The following PKNOX2 variants were observed in gnomAD, a reference collection of about 807,000 sequenced individuals.
PKNOX2 encodes PBX/knotted 1 homeobox 2.
PKNOX2 carries 14 observed loss-of-function variants against 53.1 expected under a neutral mutation model. The ratio of observed to expected loss-of-function variants is 0.26; its 90% CI spans 0.17 to 0.41. PKNOX2 has a LOEUF of 0.41. Ranked by LOEUF, PKNOX2 falls within the 10% of genes least tolerant of loss-of-function variation. The pLI, the probability that PKNOX2 is intolerant of heterozygous loss-of-function variation, is 1.00. For synonymous variants in PKNOX2, 257 were observed against 242.8 expected (o/e 1.06, Z -0.54); for missense variants, 496 against 602.8 (o/e 0.82, Z 1.85).
chr11:125,353,215 C>T (rs1951413640), intron 4 of PKNOX2, among the ~76,000 whole-genome samples: 3 of 152,172 alleles, frequency 2.0e-5, no homozygotes, highest in Admixed American at 6.5e-5. Context: ...GCTGCCAAGG[C>T]CCACACCTCC....
chr11:125,294,246 A>T (rs1947504730), intron 2 of PKNOX2, among the ~76,000 whole-genome samples: 1 of 152,168 alleles, frequency 6.6e-6, no homozygotes, highest in South Asian at 2.1e-4. Flanking sequence ...TTGTGTTTTC[A>T]TTTCCACAAG....
At chr11:125,169,999 A>C (rs1955158419) in intron 1 of PKNOX2, among the ~76,000 whole-genome samples, 1 of 152,250 alleles carries the variant, frequency 6.6e-6, no homozygotes. Context: ...AATCTGACTT[A>C]TCAGAAATGC....
At chr11:125,272,645 C>T (rs1022981960) in intron 2 of PKNOX2, among the ~76,000 whole-genome samples, 1 of 152,132 alleles carries the variant, frequency 6.6e-6, no homozygotes, top group South Asian at 2.1e-4. Flanking sequence ...ATGTTCTTTA[C>T]GCTTTGATCG....
intron 5 of PKNOX2, among the ~76,000 whole-genome samples, chr11:125,374,159 G>A (rs113460089): frequency 8.5e-5 from 13 of 152,294 alleles, no homozygotes; most frequent in African/African-American, 3.1e-4. Context: ...TGACCCTGGG[G>A]CTTAACCCTC....
chr11:125,295,899 T>C (rs945808000), intron 2 of PKNOX2, among the ~76,000 whole-genome samples: 1 of 152,172 alleles, frequency 6.6e-6, no homozygotes, highest in African/African-American at 2.4e-5. Flanking sequence ...TTAAAAGCTC[T>C]TCAAGAATGT....
At chr11:125,336,011 T>C (rs1182265090) in intron 3 of PKNOX2, among the ~76,000 whole-genome samples, 1 of 152,252 alleles carries the variant, frequency 6.6e-6, no homozygotes, top group African/African-American at 2.4e-5. Flanking sequence ...TTAAATATTG[T>C]TCTAAAAACT....
At chr11:125,332,203 G>C (rs1950181837) in intron 3 of PKNOX2, among the ~76,000 whole-genome samples, 1 of 152,124 alleles carries the variant, frequency 6.6e-6, no homozygotes, top group Admixed American at 6.5e-5. Flanking sequence ...GATGGGTGGG[G>C]CCTTGCTTAG....
chr11:125,213,364 G>A (rs899438815), intron 1 of PKNOX2, among the ~76,000 whole-genome samples: 2 of 152,064 alleles, frequency 1.3e-5, no homozygotes, highest in African/African-American at 4.8e-5. Context: ...CTGTTAAATG[G>A]GAATAAGACC....
At position 125,236,778 on chromosome 11, in the gene PKNOX2, G is replaced by A. The variant is rs952692032; in HGVS notation, c.-130+1663G>A. 5.9e-5 allele frequency among the ~76,000 whole-genome samples: 9 copies of A among 152,178 alleles called. 1 individual carries two copies. Among genetic ancestry groups the A allele is most frequent in the African/African-American group, 2.2e-4 (9 of 41,438 alleles). On this transcript the variant is annotated intron_variant, in intron 2 of 12. Transcript: ENST00000298282. ...CCTTTTGGAGGGAAAGGAAGAAGAG[G>A]AGACGGGGAGGCAGGCTCAGGGTGA...
At chr11:125,300,738 T>C (rs1033500393) in intron 2 of PKNOX2, among the ~76,000 whole-genome samples, 3 of 152,066 alleles carry the variant, frequency 2.0e-5, no homozygotes, top group Non-Finnish European at 4.4e-5. Context: ...GTACTGTTTA[T>C]CCCAATAAAC....
intron 10 of PKNOX2, among the ~76,000 whole-genome samples, chr11:125,414,389 G>A (rs1415975780): frequency 6.6e-6 from 1 of 152,158 alleles, no homozygotes; most frequent in Non-Finnish European, 1.5e-5. Flanking sequence ...CTTAACATTG[G>A]CAGAGTCCTC....
intron 2 of PKNOX2, among the ~76,000 whole-genome samples, chr11:125,324,213 C>T (rs79891631): frequency 0.024 from 3,696 of 152,254 alleles, 144 homozygotes; most frequent in African/African-American, 0.084. Flanking sequence ...CACCCTTTCC[C>T]TTCACCCCTT....
chr11:125,356,351 G>A (rs1222540936), intron 4 of PKNOX2, among the ~76,000 whole-genome samples: 1 of 152,176 alleles, frequency 6.6e-6, no homozygotes, highest in East Asian at 1.9e-4. Flanking sequence ...ATGATGAGTG[G>A]CATTGAAAGG....
Position 125,426,837 on chromosome 11 carries a change from C to T in PKNOX2, c.937-2175C>T, listed in dbSNP as rs369367140. 1.2e-4 allele frequency among the ~76,000 whole-genome samples: 18 copies of T among 152,268 alleles called. No individual in the cohort carries two copies. The East Asian group carries it at 2.5e-3, about 21-fold the overall frequency. ...GACACATGTCTTGCCATCTAGTGGG[C>T]GAAAAGCAATCATTCAGAGGCCACG... On this transcript the variant is annotated intron_variant, in intron 10 of 12. Coordinates refer to ENST00000298282, the MANE Select transcript of PKNOX2 (RefSeq NM_001382323.2).
At chr11:125,262,213 C>T (rs932804806) in intron 2 of PKNOX2, among the ~76,000 whole-genome samples, 2 of 152,168 alleles carry the variant, frequency 1.3e-5, no homozygotes, top group East Asian at 1.9e-4. Flanking sequence ...ACAGTGGAGG[C>T]GGCGGTGGGG....
rs1202496169 is a variant in PKNOX2 at position 125,370,241 on chromosome 11, G to A, written c.227+2256G>A. 2.6e-5 allele frequency among the ~76,000 whole-genome samples: 4 copies of A among 152,128 alleles called. No homozygotes were observed. The East Asian group carries it at 5.8e-4, about 22-fold the overall frequency. On this transcript the variant is annotated intron_variant, in intron 5 of 12. Coordinates refer to ENST00000298282, the MANE Select transcript of PKNOX2 (RefSeq NM_001382323.2). This position sits in a 1 kb window ranked among gnomAD's most constrained non-coding sequence, Gnocchi z 4.1. ...AGAATCAATGAGACGGCCCGTGGAG[G>A]CACCTGGCCCTGCGTCCAGCACCAA...
intron 1 of PKNOX2, among the ~76,000 whole-genome samples, chr11:125,234,368 A>G (rs527825106): frequency 1.3e-5 from 2 of 152,062 alleles, no homozygotes; most frequent in Admixed American, 6.5e-5. Context: ...CAGACAACTG[A>G]TAAATATGTG....
chr11:125,404,558 G>A (rs1031873724), intron 7 of PKNOX2, among the ~76,000 whole-genome samples: 4 of 152,090 alleles, frequency 2.6e-5, no homozygotes, highest in African/African-American at 4.8e-5. Flanking sequence ...GGTGTCTGGG[G>A]ACAGGGACAA....
Position 125,402,075 on chromosome 11 carries a change from C to A in PKNOX2, c.588+4013C>A, listed in dbSNP as rs185225114. Among the ~76,000 whole-genome samples the A allele has an allele frequency of 1.8e-3, 281 of 152,290 alleles. 1 individual carries two copies. Among genetic ancestry groups the A allele is most frequent in the African/African-American group, 6.6e-3 (273 of 41,562 alleles). On this transcript the variant is annotated intron_variant, in intron 7 of 12. Transcript: ENST00000298282. ...GCTATGCCGTGTCCTCCATCCAGAT[C>A]GATGGGTTGAGCGTTTTCCTGCTCG...
Sources: allele counts gnomAD v4.1 joint callset (sites outside exome capture counted in the v4.1 genomes callset), GRCh38; gene constraint gnomAD v4.1.1; non-coding constraint Gnocchi (gnomAD v3.1); transcripts MANE v1.5; gene names NCBI Gene and HGNC (gene_info 2026-07-23, HGNC 2026-07-21).